Variants in CLDN10 observed in about 807,000 individuals in gnomAD.
The protein encoded by CLDN10 is claudin 10, also known as claudin-10.
Under a neutral mutation model 22.9 loss-of-function variants are expected in CLDN10, and 15 were observed. That is an observed-to-expected ratio of 0.65 (90% CI 0.44 to 1.01). The LOEUF is 1.01. CLDN10 is among the 50% of genes least tolerant of loss of function. The pLI is 0.00. For synonymous variants in CLDN10, 114 were observed against 111.4 expected (o/e 1.02, Z -0.15); for missense variants, 247 against 287.8 (o/e 0.86, Z 1.03).
intron 1 of CLDN10, among the ~76,000 whole-genome samples, chr13:95,438,518 C>T (rs1002307527): frequency 4.6e-5 from 7 of 152,228 alleles, no homozygotes; most frequent in African/African-American, 9.6e-5. Flanking sequence ...TAAATGACCA[C>T]AAGACCCAAG....
chr13:95,491,603 TCTC>T (rs1359112544), intron 1 of CLDN10, among the ~76,000 whole-genome samples: 1 of 152,158 alleles, frequency 6.6e-6, no homozygotes, highest in African/African-American at 2.4e-5. Context: ...GCATTGGGCT[TCTC>T]CTTTCTCTGG....
intron 1 of CLDN10, among the ~76,000 whole-genome samples, chr13:95,470,054 T>C (rs1453138424): frequency 6.6e-6 from 1 of 152,206 alleles, no homozygotes; most frequent in Non-Finnish European, 1.5e-5. Context: ...AAACCACCAC[T>C]ACATACAATG....
intron 1 of CLDN10, among the ~76,000 whole-genome samples, chr13:95,546,782 A>G (rs1566329246): frequency 6.6e-6 from 1 of 152,120 alleles, no homozygotes; most frequent in African/African-American, 2.4e-5. Flanking sequence ...ACTGAGGGCT[A>G]TGGAAATCAT....
chr13:95,571,311 T>C (rs1188665913), intron 3 of CLDN10, among the ~76,000 whole-genome samples: 1 of 152,156 alleles, frequency 6.6e-6, no homozygotes, highest in Non-Finnish European at 1.5e-5. Context: ...TTTGTTTAGG[T>C]ACCCCCTCCC....
chr13:95,471,941 A>ATTTT (rs58891166), intron 1 of CLDN10, among the ~76,000 whole-genome samples: 14 of 95,804 alleles, frequency 1.5e-4, no homozygotes, highest in African/African-American at 4.1e-4. Flanking sequence ...ACACTCAGCT[A>ATTTT]TTTTTTTTTT....
intron 1 of CLDN10, among the ~76,000 whole-genome samples, chr13:95,556,100 C>A (rs1270047527): frequency 6.6e-6 from 1 of 151,962 alleles, no homozygotes; most frequent in Non-Finnish European, 1.5e-5. Flanking sequence ...GGACAGAGTG[C>A]CATGGCATGA....
At chr13:95,437,442 T>C (rs1389638918) in intron 1 of CLDN10, among the ~76,000 whole-genome samples, 1 of 152,190 alleles carries the variant, frequency 6.6e-6, no homozygotes, top group East Asian at 1.9e-4. Flanking sequence ...AGGAATGCTT[T>C]CACTATGAAA....
intron 4 of CLDN10, 33 bp from the exon 5 acceptor site, chr13:95,577,867 A>G (rs764200861): frequency 6.9e-7 from 1 of 1,457,276 alleles, no homozygotes; most frequent in South Asian, 1.2e-5. Context: ...TATGTGTAGA[A>G]TAGAATCTAC....
intron 1 of CLDN10, among the ~76,000 whole-genome samples, chr13:95,555,674 G>A (rs756928314): frequency 2.7e-4 from 41 of 152,142 alleles, no homozygotes; most frequent in Admixed American, 1.2e-3. Flanking sequence ...ATTTCTTACC[G>A]CAAAACAAAC....
At chr13:95,482,376 G>A (rs1293513140) in intron 1 of CLDN10, among the ~76,000 whole-genome samples, 1 of 152,118 alleles carries the variant, frequency 6.6e-6, no homozygotes, top group African/African-American at 2.4e-5. Context: ...CCCAAGTCAG[G>A]CGCCGTGCAC....
chr13:95,543,173 G>C (rs564168436), intron 1 of CLDN10, among the ~76,000 whole-genome samples: 18 of 152,232 alleles, frequency 1.2e-4, no homozygotes, highest in Non-Finnish European at 2.5e-4. Flanking sequence ...CAGAGGTTAC[G>C]GTGAGTCGAA....
chr13:95,513,189 T>C (rs943286948), intron 1 of CLDN10, among the ~76,000 whole-genome samples: 2 of 152,184 alleles, frequency 1.3e-5, no homozygotes, highest in African/African-American at 2.4e-5. Context: ...CCAATAAATG[T>C]TTTATTAGCT....
intron 1 of CLDN10, among the ~76,000 whole-genome samples, chr13:95,490,768 A>G (rs2042864721): frequency 6.6e-6 from 1 of 152,196 alleles, no homozygotes; most frequent in African/African-American, 2.4e-5. Flanking sequence ...ATATCTGTTA[A>G]GTCCATTTGT....
At chr13:95,569,909 C>T (rs1034008270) in intron 3 of CLDN10, among the ~76,000 whole-genome samples, 6 of 152,106 alleles carry the variant, frequency 3.9e-5, no homozygotes, top group Non-Finnish European at 7.4e-5. Context: ...GCTGGGACTA[C>T]AGGCGCCCGC....
intron 1 of CLDN10, among the ~76,000 whole-genome samples, chr13:95,508,666 G>A (rs78682910): frequency 0.042 from 6,376 of 152,326 alleles, 217 homozygotes; most frequent in Middle Eastern, 0.095. Context: ...AGAGGAGTGA[G>A]GGGAAGAGGG....
intron 1 of CLDN10, among the ~76,000 whole-genome samples, chr13:95,522,924 A>G (rs905949164): frequency 1.1e-4 from 17 of 150,154 alleles, no homozygotes; most frequent in Non-Finnish European, 1.5e-5. Context: ...TTATCTATCA[A>G]CTTTTCTTTA....
chr13:95,560,039 A>C, intron 1 of CLDN10, 93 bp from the exon 2 acceptor site: 1 of 1,252,498 alleles, frequency 8.0e-7, no homozygotes, highest in East Asian at 2.3e-5. Context: ...ATCTTTTTGG[A>C]AAACAAACAT....
At chr13:95,562,256 C>T (rs1011984193) in intron 3 of CLDN10, among the ~76,000 whole-genome samples, 19 of 151,940 alleles carry the variant, frequency 1.3e-4, no homozygotes, top group South Asian at 2.1e-4. Flanking sequence ...CATTTTTTAA[C>T]GGAGACAGGT....
chr13:95,498,742 C>T (rs1255717815), intron 1 of CLDN10, among the ~76,000 whole-genome samples: 1 of 152,308 alleles, frequency 6.6e-6, no homozygotes, highest in Admixed American at 6.5e-5. Flanking sequence ...TTAAAATATG[C>T]ACAACATAAA....
Sources: gnomAD v4.1 joint callset for allele counts (sites outside exome capture counted in the v4.1 genomes callset) on GRCh38, gnomAD v4.1.1 for gene constraint, MANE v1.5 for transcripts, NCBI Gene and HGNC (gene_info 2026-07-23, HGNC 2026-07-21) for gene names.